CHN2: variants seen among roughly 807,000 people sequenced by gnomAD.
CHN2 encodes the protein chimerin 2.
A neutral mutation model predicts 56.3 loss-of-function variants in CHN2; 35 were observed. The ratio of observed to expected loss-of-function variants is 0.62; its 90% CI spans 0.47 to 0.82. The LOEUF (loss-of-function observed/expected upper bound fraction) is 0.82. Among genes scored for constraint, CHN2 ranks in the 40% least tolerant of loss-of-function variants. CHN2 has a pLI of 0.00. For missense variants in CHN2, 491 were observed against 580.5 expected, an observed-to-expected ratio of 0.85 and a Z score of 1.58; for synonymous variants, 210 against 212.8, an observed-to-expected ratio of 0.99 and a Z score of 0.12.
At chr7:29,395,652 A>G (rs922316557) in intron 4 of CHN2, among the ~76,000 whole-genome samples, 2 of 152,188 alleles carry the variant, frequency 1.3e-5, no homozygotes, top group Admixed American at 1.3e-4. Flanking sequence ...GTCTTTGTGC[A>G]TGCTTGCTTT....
intron 1 of CHN2, among the ~76,000 whole-genome samples, chr7:29,203,886 A>C (rs932961870): frequency 1.3e-5 from 2 of 152,218 alleles, no homozygotes; most frequent in Admixed American, 6.5e-5. Flanking sequence ...ACAGGTTGGG[A>C]CATTTGTCAC....
chr7:29,381,323 A>G (rs1421245263), intron 3 of CHN2, among the ~76,000 whole-genome samples: 1 of 152,110 alleles, frequency 6.6e-6, no homozygotes, highest in East Asian at 1.9e-4. Context: ...TGAGTACAAA[A>G]AACTCTAGCC....
chr7:29,363,047 C>T (rs947608315), intron 2 of CHN2, among the ~76,000 whole-genome samples: 1 of 152,208 alleles, frequency 6.6e-6, no homozygotes, highest in African/African-American at 2.4e-5. Flanking sequence ...ATTCTATAGT[C>T]CTTCTTAGAT....
intron 2 of CHN2, among the ~76,000 whole-genome samples, chr7:29,362,768 T>G (rs1798843244): frequency 6.6e-6 from 1 of 152,218 alleles, no homozygotes; most frequent in Admixed American, 6.5e-5. Context: ...TTCTGACCAC[T>G]TGAGTACATT....
chr7:29,251,182 G>A (rs543862522), intron 1 of CHN2, among the ~76,000 whole-genome samples: 1 of 152,368 alleles, frequency 6.6e-6, no homozygotes, highest in African/African-American at 2.4e-5. Flanking sequence ...GACCAGGCAT[G>A]TGGCTCAGGC....
At chr7:29,303,860 G>A (rs1793920517) in intron 1 of CHN2, among the ~76,000 whole-genome samples, 1 of 152,176 alleles carries the variant, frequency 6.6e-6, no homozygotes, top group South Asian at 2.1e-4. Context: ...AGGAGTTTGA[G>A]GCCAGCCTGG....
chr7:29,458,265 G>C (rs1310478061), intron 6 of CHN2, among the ~76,000 whole-genome samples: 1 of 152,086 alleles, frequency 6.6e-6, no homozygotes, highest in Non-Finnish European at 1.5e-5. Context: ...TAAAACTAGT[G>C]GGATATGCTG....
intron 6 of CHN2, among the ~76,000 whole-genome samples, chr7:29,469,356 T>C (rs1477855813): frequency 6.6e-6 from 1 of 152,178 alleles, no homozygotes; most frequent in African/African-American, 2.4e-5. Flanking sequence ...GGCAGAGCAA[T>C]GCTTTTGTAA....
intron 1 of CHN2, among the ~76,000 whole-genome samples, chr7:29,281,100 T>G (rs941018501): frequency 2.0e-5 from 3 of 152,228 alleles, no homozygotes; most frequent in Admixed American, 2.0e-4. Flanking sequence ...GATTTAGATG[T>G]TATGAAACTC....
chr7:29,213,544 C>T (rs552485582), intron 1 of CHN2, among the ~76,000 whole-genome samples: 4 of 152,228 alleles, frequency 2.6e-5, no homozygotes, highest in African/African-American at 4.8e-5. Context: ...AATCTAACCT[C>T]AAGAATAAGA....
chr7:29,172,266 G>A (rs1796703216), intron 2 of CHN2, among the ~76,000 whole-genome samples: 1 of 152,160 alleles, frequency 6.6e-6, no homozygotes, highest in African/African-American at 2.4e-5. Context: ...TTGAAAGCAT[G>A]GTTGCTGTGG....
chr7:29,163,491 CAT>C (rs1422588005), intron 2 of CHN2, among the ~76,000 whole-genome samples: 19 of 152,080 alleles, frequency 1.2e-4, no homozygotes, highest in Middle Eastern at 3.2e-3. Context: ...AAAATTGACA[CAT>C]ATGTTAATGG....
chr7:29,310,017 C>T (rs574193178), intron 1 of CHN2, among the ~76,000 whole-genome samples: 1 of 152,348 alleles, frequency 6.6e-6, no homozygotes, highest in African/African-American at 2.4e-5. Context: ...GGGGCAGGCA[C>T]ATGGCATTTC....
chr7:29,168,104 A>G (rs973041083), intron 2 of CHN2, among the ~76,000 whole-genome samples: 2 of 152,220 alleles, frequency 1.3e-5, no homozygotes, highest in Non-Finnish European at 2.9e-5. Flanking sequence ...CTAGCATATC[A>G]TAACATACAG....
chr7:29,383,446 A>G (rs79922051), intron 3 of CHN2, among the ~76,000 whole-genome samples: 2,472 of 152,224 alleles, frequency 0.016, 14 homozygotes, highest in Non-Finnish European at 0.023. Flanking sequence ...CAGGCCCTCA[A>G]TGGACAGGAT....
intron 6 of CHN2, among the ~76,000 whole-genome samples, chr7:29,453,260 T>G (rs1427953474): frequency 2.6e-5 from 4 of 152,206 alleles, no homozygotes; most frequent in Admixed American, 6.5e-5. Flanking sequence ...GCTGGTTGGA[T>G]TTGTGGTCCA....
At chr7:29,509,429 A>C (rs1791008319) in intron 12 of CHN2, 23 bp downstream of exon 12, 3 of 1,569,904 alleles carry the variant, frequency 1.9e-6, no homozygotes, top group Middle Eastern at 1.7e-4. Context: ...CTCGTGCACA[A>C]AGCCTGCTCT....
intron 1 of CHN2, among the ~76,000 whole-genome samples, chr7:29,205,113 G>A (rs1312713734): frequency 6.6e-6 from 1 of 152,230 alleles, no homozygotes; most frequent in Non-Finnish European, 1.5e-5. Flanking sequence ...ATAGCTGAGT[G>A]TAAATCTGTC....
At chr7:29,299,096 TCA>T (rs1295647885) in intron 1 of CHN2, among the ~76,000 whole-genome samples, 1 of 152,174 alleles carries the variant, frequency 6.6e-6, no homozygotes, top group Non-Finnish European at 1.5e-5. Context: ...GCTTCCTGCC[TCA>T]CAGATTGAAT....
Sources: gnomAD v4.1 joint callset for allele counts (sites outside exome capture counted in the v4.1 genomes callset) on GRCh38, gnomAD v4.1.1 for gene constraint, MANE v1.5 for transcripts, NCBI Gene and HGNC (gene_info 2026-07-23, HGNC 2026-07-21) for gene names.